Variants in POU6F1 observed in about 807,000 individuals in gnomAD.
POU6F1 encodes POU domain, class 6, transcription factor 1.
In POU6F1, 9 loss-of-function variants were observed where a neutral mutation model predicts 28.9. The ratio of observed to expected loss-of-function variants is 0.31; its 90% confidence interval spans 0.19 to 0.54. The LOEUF is 0.54. Ranked by LOEUF, POU6F1 falls within the 20% of genes least tolerant of loss-of-function variation. The probability of loss-of-function intolerance (pLI) is 0.94; values close to 1 mark genes in which losing one functional copy is unlikely to be tolerated. For missense variants in POU6F1, 338 were observed against 426.1 expected, an observed-to-expected ratio of 0.79 and a Z score of 1.82; for synonymous variants, 173 against 171.1, an observed-to-expected ratio of 1.01 and a Z score of -0.09.
Position 51,195,943 on chromosome 12 carries a change from ACCCCCCACC to A in POU6F1, c.1179+18_1179+26del. The A allele has an allele frequency of 4.5e-5, 7 of 154,966 alleles. No homozygotes were observed. Among genetic ancestry groups the A allele is most frequent in the Non-Finnish European group, 8.0e-5 (6 of 74,966 alleles). 9.6% of individuals were successfully genotyped at this position (154,966 alleles called of 1,614,324 possible). On this transcript the variant is annotated intron_variant, in intron 8 of 10. Transcript: ENST00000333640. Reference sequence around the variant, plus strand: ...GGTGCCAGATAGCAGAGCCTGCCCCACCCCCCACCCCCCCCAGCCCCTGTACCTCACTCT... The same window carrying A: ...GGTGCCAGATAGCAGAGCCTGCCCCACCCCCCAGCCCCTGTACCTCACTCT...
chr12:51,215,182 T>C (rs975108754), intron 1 of POU6F1, among the ~76,000 whole-genome samples: 148 of 152,178 alleles, frequency 9.7e-4, no homozygotes, highest in African/African-American at 3.5e-3. Flanking sequence ...ATTTCCTACC[T>C]TTTCCCTCAA....
chr12:51,196,958 G>A, intron 6 of POU6F1, 31 bp from the exon 7 acceptor site: 1 of 1,379,648 alleles, frequency 7.2e-7, no homozygotes, highest in Non-Finnish European at 1.0e-6. Flanking sequence ...TTGCTCAGAA[G>A]CCAAGGGGTG....
chr12:51,211,490 C>G (rs192361352), intron 1 of POU6F1, among the ~76,000 whole-genome samples: 1 of 152,312 alleles, frequency 6.6e-6, no homozygotes, highest in East Asian at 1.9e-4. Flanking sequence ...CACCTACAAT[C>G]TCAATGCTTT....
At position 51,195,891 on chromosome 12, in the gene POU6F1, T is replaced by C; in HGVS notation, c.1179+79A>G. 3 of 1,433,824 alleles carry C rather than the reference T, an allele frequency of 2.1e-6. No homozygotes were observed. In the South Asian group the frequency reaches 4.1e-5, roughly 19 times the overall value. 88.8% of individuals were successfully genotyped at this position (1,433,824 alleles called of 1,614,324 possible). ...CCAGGAGTTTCAGAAGATGCTGTCC[T>C]GCCTGGCAGTCTGGAGGGAAGCAGC... On this transcript the variant is annotated intron_variant, in intron 8 of 10. Coordinates refer to ENST00000333640, the MANE Select transcript of POU6F1 (RefSeq NM_001330422.2).
At chr12:51,193,599 A>G (rs961579375) in intron 8 of POU6F1, among the ~76,000 whole-genome samples, 2 of 152,210 alleles carry the variant, frequency 1.3e-5, no homozygotes, top group Non-Finnish European at 2.9e-5. Flanking sequence ...AATAATTTAA[A>G]AAAAAAGAAA....
intron 2 of POU6F1, among the ~76,000 whole-genome samples, chr12:51,205,911 T>C (rs1439742360): frequency 6.7e-6 from 1 of 148,826 alleles, no homozygotes; most frequent in South Asian, 2.1e-4. Flanking sequence ...CTCCACCTCC[T>C]GGGCTCACGC....
chr12:51,200,288 T>C (rs919622616), intron 3 of POU6F1, among the ~76,000 whole-genome samples: 6 of 152,212 alleles, frequency 3.9e-5, no homozygotes, highest in Admixed American at 1.3e-4. Flanking sequence ...ACTGAATCGC[T>C]GTTCATCCAC....
chr12:51,195,938 G>GGGGGCC, intron 8 of POU6F1, 32 bp downstream of exon 8: 1 of 916,160 alleles, frequency 1.1e-6, no homozygotes. Flanking sequence ...AGCAGAGCCT[G>GGGGGCC]CCCCACCCCC....
intron 1 of POU6F1, among the ~76,000 whole-genome samples, chr12:51,211,239 C>T (rs1943965985): frequency 2.0e-5 from 3 of 152,216 alleles, no homozygotes; most frequent in South Asian, 2.1e-4. Flanking sequence ...TGTCCCCATC[C>T]CAGCAGTAGA....
chr12:51,198,404 G>A, intron 5 of POU6F1, 146 bp downstream of exon 5: 1 of 397,944 alleles, frequency 2.5e-6, no homozygotes, highest in Non-Finnish European at 4.4e-6. Context: ...CAGCTCTGCG[G>A]CCGGATGCCC....
In POU6F1 at chr12:51,196,014, C is replaced by G. The variant is rs748171936; in HGVS notation, c.1135G>C (p.Ala379Pro). ...TCAGGTGTGCTTGGCTTCCGGACAG[C>G]CACAGGTGGAGGCAGGGGGCTGCTA... ...LASSPLPPPVAVRKPSTPESP... is the reference protein window; with the variant it reads ...LASSPLPPPVPVRKPSTPESP... The change falls in exon 8 of 11, where the codon GCT (alanine) becomes CCT (proline). Residue 379 changes from alanine to proline, a missense_variant. By Grantham distance (27) the Ala-to-Pro change is conservative (BLOSUM62 -1). This residue lies in a region of POU6F1 where 206 missense variants were observed against 225.6 expected (regional missense o/e 0.91). Transcript: ENST00000333640. The G allele has an allele frequency of 1.0e-5, 16 of 1,604,910 alleles. No individual in the cohort carries two copies. In the East Asian group the frequency reaches 3.6e-4, roughly 36 times the overall value.
Position 51,191,642 on chromosome 12 carries a change from G to C in POU6F1, c.1444C>G (p.Leu482Val), listed in dbSNP as rs1210773171. The change falls in exon 10 of 11, where the codon CTG (leucine) becomes GTG (valine). Residue 482 changes from leucine to valine, a missense_variant. This residue lies in a region of POU6F1 where 126 missense variants were observed against 176.5 expected (regional missense o/e 0.71). Coordinates refer to ENST00000333640, the MANE Select transcript of POU6F1 (RefSeq NM_001330422.2). The stretch of plus-strand genomic sequence containing the variant: ...TAGGCTGGACCTTCCGTTGCAGTCA[G>C]AGCCTGACCCACCTGGGTCTGTGTA... ...GLTQTQVGQA[L>V]TATEGPAYSQ... 1.1e-5 allele frequency: 18 copies of C among 1,614,112 alleles called. No individual in the cohort carries two copies. Among genetic ancestry groups the C allele is most frequent in the Non-Finnish European group, 1.5e-5 (18 of 1,180,050 alleles).
rs1321500264 is a variant in POU6F1 at position 51,191,754 on chromosome 12, A to C, written c.1332T>G (p.Thr444=). 6.2e-7 allele frequency: 1 copy of C among 1,614,152 alleles called. No homozygotes were observed. Among genetic ancestry groups the C allele is most frequent in the Non-Finnish European group, 8.5e-7 (1 of 1,180,034 alleles). Residue 444 remains threonine, a synonymous_variant, in exon 10 of 11, where the codon ACT becomes ACG. Transcript: ENST00000333640. ...TGATCCCATCCTCATCCAGACTTGG[A>C]GTATGTGGCTCTAGGCCAGAGGGAG... ...TVSQLVSKPH[T]PSLDEDGINL... is the part of the protein sequence containing the mutation.
intron 8 of POU6F1, among the ~76,000 whole-genome samples, chr12:51,194,819 T>C (rs1046375707): frequency 3.3e-4 from 50 of 152,204 alleles, no homozygotes; most frequent in African/African-American, 9.9e-4. Context: ...TTAGCATTCA[T>C]AACCTTCTGA....
At chr12:51,212,776 CA>C (rs1176606531) in intron 1 of POU6F1, among the ~76,000 whole-genome samples, 552 of 37,672 alleles carry the variant, frequency 0.015, no homozygotes, top group African/African-American at 0.063. Context: ...AACTCCGTCT[CA>C]AAAAAAAAAA....
At chr12:51,216,657 G>A (rs1185893852) in intron 1 of POU6F1, among the ~76,000 whole-genome samples, 1 of 152,200 alleles carries the variant, frequency 6.6e-6, no homozygotes, top group African/African-American at 2.4e-5. Flanking sequence ...GCCAGTCAAT[G>A]GTGGCTGCCT....
chr12:51,189,056 A>G lies in POU6F1; in HGVS notation c.*1191T>C, dbSNP rs974208818. The G allele has an allele frequency of 4.6e-5, 7 of 152,142 alleles. No homozygotes were observed. Among genetic ancestry groups the G allele is most frequent in the African/African-American group, 1.7e-4 (7 of 41,404 alleles). The allele number at this position is 152,142 out of a possible 1,614,324, so 9.4% of individuals were successfully genotyped here. A position where few individuals can be genotyped will look rare whatever the true frequency, so the allele number is the denominator to read the frequency against. On this transcript the variant is annotated 3_prime_UTR_variant, in exon 11 of 11. Transcript: ENST00000333640. The stretch of plus-strand genomic sequence containing the variant: ...TCTGGGGGTGTCCTTGGCTCAGAGG[A>G]CACTGTGGGGATTGCTTACACACAG...
At chr12:51,191,851 A>G (rs186569127) in intron 9 of POU6F1, 87 bp from the exon 10 acceptor site, 6 of 1,513,844 alleles carry the variant, frequency 4.0e-6, no homozygotes, top group Non-Finnish European at 4.6e-6. Context: ...CTGACGCAGT[A>G]GTGAGAGGTG....
Position 51,192,386 on chromosome 12 carries a change from G to C in POU6F1, c.1265C>G (p.Ser422Cys). Reference sequence around the variant, plus strand: ...TGAGCAGGTAATTGGGATAGGAGCAGAGGCAGATGGCTTGGCGGCTGGAGC... The same window carrying C: ...TGAGCAGGTAATTGGGATAGGAGCACAGGCAGATGGCTTGGCGGCTGGAGC... The part of the protein sequence containing the change: ...SPAPAAKPSA[S>C]APIPITCSET... The change falls in exon 9 of 11, where the codon TCT becomes TGT. Residue 422 changes from serine (S) to cysteine (C), a missense_variant. By Grantham distance (112) the Ser-to-Cys change is moderately radical. Around this residue, in one of 3 missense-constraint regions of POU6F1, gnomAD observed 206 missense variants for 225.6 expected, o/e 0.91. Transcript: ENST00000333640. 1 of 1,614,194 alleles carries C rather than the reference G, an allele frequency of 6.2e-7. No homozygotes were observed. The highest frequency in any genetic ancestry group is 8.5e-7 in the Non-Finnish European group (1 of 1,180,046).
Sources: allele counts gnomAD v4.1 joint callset (sites outside exome capture counted in the v4.1 genomes callset), GRCh38; gene constraint gnomAD v4.1.1; regional missense constraint gnomAD v4.1.1; transcripts MANE v1.5; gene names NCBI Gene and HGNC (gene_info 2026-07-23, HGNC 2026-07-21).